Variants in TTC28 observed in about 807,000 individuals in gnomAD.
The protein encoded by TTC28 is tetratricopeptide repeat protein 28.
TTC28 carries 61 observed loss-of-function variants against 198.0 expected under a neutral mutation model. The observed-to-expected ratio is 0.31, with a 90% confidence interval of 0.25 to 0.38. TTC28 has a LOEUF of 0.38. Ranked by LOEUF, TTC28 falls within the 10% of genes least tolerant of loss-of-function variation. The pLI, the probability that TTC28 is intolerant of heterozygous loss-of-function variation, is 1.00. For missense variants in TTC28, 2,678 were observed against 3,164.0 expected (o/e 0.85, Z 3.69); for synonymous variants, 1,171 against 1,297.8 (o/e 0.90, Z 2.10).
At chr22:28,543,985 C>T (rs2049479526) in intron 2 of TTC28, among the ~76,000 whole-genome samples, 1 of 152,188 alleles carries the variant, frequency 6.6e-6, no homozygotes, top group African/African-American at 2.4e-5. Flanking sequence ...CTTTGAGAGG[C>T]CAAGGTGGGT....
In TTC28 at chr22:28,094,134, T is replaced by C; in HGVS notation, c.3878A>G (p.Glu1293Gly). 1.3e-6 allele frequency: 2 copies of C among 1,551,592 alleles called. No homozygotes were observed. Among genetic ancestry groups the C allele is most frequent in the Non-Finnish European group, 1.7e-6 (2 of 1,146,942 alleles). The change falls in exon 12 of 23, where the codon GAG (glutamate) becomes GGG (glycine). Residue 1293 changes from glutamate to glycine, a missense_variant. Glu to Gly is a moderately conservative substitution (Grantham distance 98). Transcript: ENST00000397906. ...TLPTATGSAL[E>G]QHIASVREAL... The stretch of plus-strand genomic sequence containing the variant: ...CTCCCGGACACTGGCAATGTGCTGC[T>C]CCAGGGCTGAGCCGGTTGCTGTTGG...
intron 5 of TTC28, among the ~76,000 whole-genome samples, chr22:28,210,336 C>A (rs1926819185): frequency 6.6e-6 from 1 of 152,098 alleles, no homozygotes; most frequent in African/African-American, 2.4e-5. Flanking sequence ...TCGGTAATAA[C>A]AAACTTCTCC....
chr22:28,351,969 A>C (rs1227283374), intron 2 of TTC28, among the ~76,000 whole-genome samples: 1 of 152,132 alleles, frequency 6.6e-6, no homozygotes, highest in African/African-American at 2.4e-5. Flanking sequence ...CTGATTCATG[A>C]TACAATTTTG....
At chr22:28,611,877 C>T (rs1483444139) in intron 2 of TTC28, among the ~76,000 whole-genome samples, 1 of 152,008 alleles carries the variant, frequency 6.6e-6, no homozygotes, top group African/African-American at 2.4e-5. Context: ...ATTTTGTCAC[C>T]AGCAGGCCTG....
intron 5 of TTC28, among the ~76,000 whole-genome samples, chr22:28,192,288 T>C (rs1601453279): frequency 6.6e-6 from 1 of 151,970 alleles, no homozygotes; most frequent in South Asian, 2.1e-4. Flanking sequence ...ACCCCATCTG[T>C]ATGTCACCAT....
intron 2 of TTC28, among the ~76,000 whole-genome samples, chr22:28,492,992 A>T (rs1366338344): frequency 6.6e-6 from 1 of 151,802 alleles, no homozygotes; most frequent in Admixed American, 6.6e-5. Flanking sequence ...TTGAGCACTG[A>T]AAAGGACAAC....
rs2146515757 is a variant in TTC28, at chr22:27,990,016, G to T, written c.5578-9C>A. The T allele has an allele frequency of 6.5e-7, 1 of 1,549,244 alleles. No homozygotes were observed. Among genetic ancestry groups the T allele is most frequent in the Non-Finnish European group, 8.7e-7 (1 of 1,145,578 alleles). ...ACCAGCACCTGGTGGAGCTGAGGAA[G>T]GGGGGACAGCGTGAGCACCCTGTGT... On this transcript the variant is annotated splice_polypyrimidine_tract_variant and intron_variant, in intron 20 of 22. Coordinates refer to ENST00000397906, the MANE Select transcript of TTC28 (RefSeq NM_001145418.2).
intron 2 of TTC28, among the ~76,000 whole-genome samples, chr22:28,553,712 G>GCC (rs1401880598): frequency 6.6e-6 from 1 of 151,592 alleles, no homozygotes; most frequent in Non-Finnish European, 1.5e-5. Flanking sequence ...TGGGGGGTCA[G>GCC]CCCCCGCCAG....
At chr22:28,535,601 G>C (rs2049250085) in intron 2 of TTC28, among the ~76,000 whole-genome samples, 1 of 152,090 alleles carries the variant, frequency 6.6e-6, no homozygotes. Context: ...GTTTGGCTCT[G>C]TGTCCCTACC....
chr22:28,621,144 A>G (rs1038678760), intron 2 of TTC28, among the ~76,000 whole-genome samples: 1 of 152,232 alleles, frequency 6.6e-6, no homozygotes, highest in African/African-American at 2.4e-5. Context: ...GTTGAGAAAT[A>G]AAGTTTGTAC....
chr22:28,227,258 T>A (rs1248532404), intron 5 of TTC28, among the ~76,000 whole-genome samples: 1 of 152,160 alleles, frequency 6.6e-6, no homozygotes, highest in Non-Finnish European at 1.5e-5. Flanking sequence ...ATGAAAGACC[T>A]AAACTCAAGA....
At chr22:28,104,162 GA>G (rs893763055) in intron 8 of TTC28, among the ~76,000 whole-genome samples, 2 of 152,164 alleles carry the variant, frequency 1.3e-5, no homozygotes, top group African/African-American at 4.8e-5. Flanking sequence ...GGGGGCTCAG[GA>G]GTAAAAGCGG....
At chr22:28,272,447 T>C (rs1223717828) in intron 5 of TTC28, among the ~76,000 whole-genome samples, 1 of 152,194 alleles carries the variant, frequency 6.6e-6, no homozygotes, top group Non-Finnish European at 1.5e-5. Flanking sequence ...CTCAGGTAGG[T>C]ATCTCTATCA....
chr22:28,243,258 G>A (rs962150641), intron 5 of TTC28, among the ~76,000 whole-genome samples: 7 of 147,758 alleles, frequency 4.7e-5, no homozygotes, highest in African/African-American at 1.8e-4. Flanking sequence ...AACTACTTGG[G>A]AGGCAGGAGG....
At chr22:28,216,910 G>C (rs1284747377) in intron 5 of TTC28, among the ~76,000 whole-genome samples, 2 of 152,016 alleles carry the variant, frequency 1.3e-5, no homozygotes, top group Admixed American at 6.6e-5. Context: ...TGTAGAGACA[G>C]GGTCTTCCTG....
intron 2 of TTC28, among the ~76,000 whole-genome samples, chr22:28,543,444 A>G (rs979853867): frequency 6.6e-6 from 1 of 150,758 alleles, no homozygotes; most frequent in Non-Finnish European, 1.5e-5. Context: ...AAGAGGAGGA[A>G]GAGGAGGAGG....
chr22:28,526,414 A>G (rs939828128), intron 2 of TTC28, among the ~76,000 whole-genome samples: 1 of 152,250 alleles, frequency 6.6e-6, no homozygotes, highest in Non-Finnish European at 1.5e-5. Context: ...GTATTAAAAA[A>G]TAACTATTTG....
intron 12 of TTC28, among the ~76,000 whole-genome samples, chr22:28,039,197 G>T (rs1418936055): frequency 6.6e-6 from 1 of 152,134 alleles, no homozygotes; most frequent in East Asian, 1.9e-4. Context: ...TATAAAACAT[G>T]CTGCTATGAA....
intron 13 of TTC28, among the ~76,000 whole-genome samples, chr22:28,018,303 G>A (rs1460392954): frequency 9.3e-5 from 10 of 108,072 alleles, no homozygotes; most frequent in African/African-American, 2.9e-4. Context: ...GTGTGTGCGC[G>A]CGCGGGGGGG....
Sources: allele counts gnomAD v4.1 joint callset (sites outside exome capture counted in the v4.1 genomes callset), GRCh38; gene constraint gnomAD v4.1.1; transcripts MANE v1.5; gene names NCBI Gene and HGNC (gene_info 2026-07-23, HGNC 2026-07-21).